Variants in ST6GAL2 observed in about 807,000 individuals in gnomAD.
The protein encoded by ST6GAL2 is ST6 beta-galactoside alpha-2,6-sialyltransferase 2, also known as beta-galactoside alpha-2,6-sialyltransferase 2.
In ST6GAL2, 24 loss-of-function variants were observed where a neutral mutation model predicts 37.5. The ratio of observed to expected loss-of-function variants is 0.64; its 90% CI spans 0.46 to 0.90. The LOEUF is 0.90. ST6GAL2 is among the 40% of genes least tolerant of loss of function. The probability of loss-of-function intolerance (pLI) is 0.00; values close to 1 mark genes in which losing one functional copy is unlikely to be tolerated. For synonymous variants in ST6GAL2, 306 were observed against 295.1 expected, an observed-to-expected ratio of 1.04 and a Z score of -0.38; for missense variants, 715 against 712.7, an observed-to-expected ratio of 1.00 and a Z score of -0.04.
intron 5 of ST6GAL2, 103 bp downstream of exon 5, chr2:106,829,963 G>T: frequency 9.3e-7 from 1 of 1,076,214 alleles, no homozygotes; most frequent in Non-Finnish European, 1.4e-6. Flanking sequence ...AGGCATTTCA[G>T]ATAAGGTATT....
At chr2:106,872,119 GA>G (rs1225704482) in intron 1 of ST6GAL2, among the ~76,000 whole-genome samples, 2 of 152,208 alleles carry the variant, frequency 1.3e-5, no homozygotes. Flanking sequence ...TAAGAGATTG[GA>G]ATTTTGCAGC....
chr2:106,830,272 G>A (rs776423226), intron 4 of ST6GAL2, 32 bp from the exon 5 acceptor site: 76 of 1,584,460 alleles, frequency 4.8e-5, no homozygotes, highest in Non-Finnish European at 5.9e-5. Context: ...CAGTCAAGTA[G>A]AAAGAACTAA....
Position 106,830,625 on chromosome 2 carries a change from G to A in ST6GAL2, c.1144-385C>T, listed in dbSNP as rs73949773. Among the ~76,000 whole-genome samples the A allele has an allele frequency of 2.0e-3, 309 of 152,292 alleles. 1 individual carries two copies. Among genetic ancestry groups the A allele is most frequent in the African/African-American group, 7.0e-3 (289 of 41,554 alleles). On this transcript the variant is annotated intron_variant, in intron 4 of 5. Coordinates refer to ENST00000409382, the MANE Select transcript of ST6GAL2 (RefSeq NM_001142351.2). ...CATGGACAATAAATACTGAATGGGC[G>A]TGCTGTGTTCTAAAAAAACACTATT...
chr2:106,828,880 A>G (rs1676304323), intron 5 of ST6GAL2, among the ~76,000 whole-genome samples: 1 of 152,182 alleles, frequency 6.6e-6, no homozygotes, highest in African/African-American at 2.4e-5. Flanking sequence ...TAAAACACAG[A>G]TAAAGAAATG....
Position 106,843,912 on chromosome 2 carries a change from G to A in ST6GAL2, c.66C>T (p.Leu22=). Residue 22 remains leucine, a synonymous_variant, in exon 2 of 6, where the codon CTC becomes CTT. Transcript: ENST00000409382. The part of the protein sequence containing the change: ...MLFGIFAWGL[L]FLLIFIYFTD... ...TGAAGTAGATGAAAATCAGCAAAAAGAGGAGCCCCCAAGCGAATATTCCGA... is the reference window on the plus strand; with the variant it reads ...TGAAGTAGATGAAAATCAGCAAAAAAAGGAGCCCCCAAGCGAATATTCCGA... The A allele has an allele frequency of 5.6e-6, 9 of 1,602,050 alleles. No individual in the cohort carries two copies. Among genetic ancestry groups the A allele is most frequent in the Non-Finnish European group, 7.6e-6 (9 of 1,178,928 alleles).
intron 1 of ST6GAL2, chr2:106,885,813 A>C (rs1678959438): frequency 6.6e-6 from 1 of 152,242 alleles, no homozygotes; most frequent in African/African-American, 2.4e-5. Context: ...GGCTGAAGAA[A>C]GACAAAAATC....
At chr2:106,833,558 C>T (rs1676509681) in intron 3 of ST6GAL2, among the ~76,000 whole-genome samples, 1 of 152,164 alleles carries the variant, frequency 6.6e-6, no homozygotes. Flanking sequence ...ATTTTCAAGG[C>T]ATTCTCATTA....
At chr2:106,830,334 G>A (rs1676371708) in intron 4 of ST6GAL2, 94 bp from the exon 5 acceptor site, 1 of 992,578 alleles carries the variant, frequency 1.0e-6, no homozygotes, top group Non-Finnish European at 1.5e-6. Flanking sequence ...GAGGGGCCAG[G>A]CTGGGGCTAG....
chr2:106,838,106 G>A (rs944191905), intron 2 of ST6GAL2, among the ~76,000 whole-genome samples: 5 of 152,200 alleles, frequency 3.3e-5, no homozygotes, highest in Non-Finnish European at 7.3e-5. Flanking sequence ...AATGCACTGT[G>A]AGAATAGAAG....
chr2:106,840,945 G>A (rs1466561510), intron 2 of ST6GAL2, among the ~76,000 whole-genome samples: 1 of 152,154 alleles, frequency 6.6e-6, no homozygotes, highest in Non-Finnish European at 1.5e-5. Context: ...TCTCAGAAAT[G>A]AGAAAGAACT....
chr2:106,840,358 G>A (rs1676827664), intron 2 of ST6GAL2, among the ~76,000 whole-genome samples: 1 of 152,192 alleles, frequency 6.6e-6, no homozygotes, highest in Non-Finnish European at 1.5e-5. Context: ...AACTATGTGG[G>A]TTTGCTTGCA....
intron 5 of ST6GAL2, chr2:106,823,219 T>C (rs1055780085): frequency 3.9e-5 from 6 of 152,104 alleles, no homozygotes; most frequent in African/African-American, 1.2e-4. Flanking sequence ...CTGATTTTAC[T>C]AGGAAATCTG....
At chr2:106,813,074 AT>A (rs1675668124) in intron 5 of ST6GAL2, 1 of 1,226,226 alleles carries the variant, frequency 8.2e-7, no homozygotes. Flanking sequence ...GCTGTTTTGA[AT>A]CTTTAAACAG....
intron 1 of ST6GAL2, among the ~76,000 whole-genome samples, chr2:106,851,157 G>A (rs909993628): frequency 6.6e-6 from 1 of 152,206 alleles, no homozygotes; most frequent in African/African-American, 2.4e-5. Flanking sequence ...CCCAGTGGAT[G>A]TTCTCTGCCT....
At chr2:106,814,231 C>T (rs1227940424) in intron 5 of ST6GAL2, among the ~76,000 whole-genome samples, 1 of 152,052 alleles carries the variant, frequency 6.6e-6, no homozygotes, top group Non-Finnish European at 1.5e-5. Flanking sequence ...TTGTTCCTAA[C>T]CAACAAAACT....
rs577551881 is a variant in ST6GAL2, at chr2:106,858,974, G to C, written c.-57-14940C>G. 4.6e-5 allele frequency among the ~76,000 whole-genome samples: 7 copies of C among 152,288 alleles called. No homozygotes were observed. In the South Asian group the frequency reaches 6.2e-4, roughly 14 times the overall value. On this transcript the variant is annotated intron_variant, in intron 1 of 5. Transcript: ENST00000409382. The stretch of plus-strand genomic sequence containing the variant: ...GAAGAAGGTGTGCAGGCATGGGAGT[G>C]GGGGCAGGCAGCAGATGGCAGCACA...
intron 4 of ST6GAL2, among the ~76,000 whole-genome samples, chr2:106,831,569 T>C (rs1445118464): frequency 1.3e-5 from 2 of 152,164 alleles, no homozygotes; most frequent in African/African-American, 2.4e-5. Context: ...AAAATATACA[T>C]TGAGGCTATA....
chr2:106,881,490 T>G (rs1377735619), intron 1 of ST6GAL2, among the ~76,000 whole-genome samples: 2 of 152,220 alleles, frequency 1.3e-5, no homozygotes, highest in East Asian at 3.8e-4. Context: ...GTGGCACAAT[T>G]ATGGGTTTTT....
chr2:106,848,895 C>A lies in ST6GAL2; in HGVS notation c.-57-4861G>T, dbSNP rs1469617921. Among the ~76,000 whole-genome samples, 5 of 152,128 alleles carry A rather than the reference C, an allele frequency of 3.3e-5. No individual in the cohort carries two copies. In the East Asian group the frequency reaches 9.7e-4, roughly 29 times the overall value. ...AGACCAAGCAGCGCCAGAGATAAGA[C>A]CCTCTCAGATCACTGCACCTCCTCA... On this transcript the variant is annotated intron_variant, in intron 1 of 5. Transcript: ENST00000409382.
Sources: allele counts gnomAD v4.1 joint callset (sites outside exome capture counted in the v4.1 genomes callset), GRCh38; gene constraint gnomAD v4.1.1; transcripts MANE v1.5; gene names NCBI Gene and HGNC (gene_info 2026-07-23, HGNC 2026-07-21).